The following DGKB variants were observed in gnomAD, a reference collection of about 807,000 sequenced individuals.
DGKB encodes diacylglycerol kinase beta.
In DGKB, 67 loss-of-function variants were observed where a neutral mutation model predicts 114.3. The ratio of observed to expected loss-of-function variants is 0.59; its 90% CI spans 0.48 to 0.72. The LOEUF is 0.72. Ranked by LOEUF, DGKB falls within the 30% of genes least tolerant of loss-of-function variation. The probability of loss-of-function intolerance (pLI) is 0.00; values close to 1 mark genes in which losing one functional copy is unlikely to be tolerated. For synonymous variants in DGKB, 398 were observed against 323.1 expected, an observed-to-expected ratio of 1.23 and a Z score of -2.49; for missense variants, 907 against 975.2, an observed-to-expected ratio of 0.93 and a Z score of 0.93.
chr7:14,648,941 G>C (rs1813789175), intron 13 of DGKB, among the ~76,000 whole-genome samples: 1 of 108,098 alleles, frequency 9.3e-6, no homozygotes, highest in Admixed American at 1.1e-4. Context: ...GGGAAGTTTA[G>C]AGAAAAAAGA....
chr7:14,910,823 G>C (rs1783966075), intron 1 of DGKB, among the ~76,000 whole-genome samples: 1 of 152,110 alleles, frequency 6.6e-6, no homozygotes, highest in Non-Finnish European at 1.5e-5. Context: ...CAATACAACA[G>C]TTAGTTGATT....
chr7:14,584,383 A>G (rs1347317581), intron 17 of DGKB, among the ~76,000 whole-genome samples: 1 of 152,134 alleles, frequency 6.6e-6, no homozygotes, highest in African/African-American at 2.4e-5. Flanking sequence ...AAAATATTCC[A>G]TTACATCATT....
At chr7:14,152,911 C>T (rs565316940) in intron 25 of DGKB, among the ~76,000 whole-genome samples, 19 of 152,174 alleles carry the variant, frequency 1.2e-4, no homozygotes, top group Middle Eastern at 3.4e-3. Flanking sequence ...GTTTTACACA[C>T]GTTATTCAGG....
rs1828893669 is a variant in DGKB, at chr7:14,434,128, T to C, written c.1835+44033A>G. Among the ~76,000 whole-genome samples the C allele has an allele frequency of 2.0e-5, 3 of 146,400 alleles. No individual in the cohort carries two copies. In the South Asian group the frequency reaches 6.3e-4, roughly 31 times the overall value. On this transcript the variant is annotated intron_variant, in intron 21 of 25. Transcript: ENST00000402815. ...GATAGTTATCTTAGAATCAAAGAGA[T>C]TTTTCAGTTACTTTAATGGGATGAA... is the stretch of plus-strand genomic sequence containing the variant.
intron 1 of DGKB, among the ~76,000 whole-genome samples, chr7:14,908,647 A>G (rs576868229): frequency 1.3e-5 from 2 of 152,266 alleles, no homozygotes; most frequent in Non-Finnish European, 2.9e-5. Context: ...GGGCCTGAAT[A>G]GCTTTCTATC....
intron 25 of DGKB, chr7:14,176,431 A>G: frequency 3.0e-6 from 3 of 986,938 alleles, no homozygotes; most frequent in Non-Finnish European, 2.4e-6. Flanking sequence ...ATGGAGGCAT[A>G]GAAAAGCTGA....
At chr7:14,780,987 C>T (rs1258103958) in intron 2 of DGKB, among the ~76,000 whole-genome samples, 4 of 152,134 alleles carry the variant, frequency 2.6e-5, no homozygotes, top group Admixed American at 2.0e-4. Flanking sequence ...ATTTGTGTCA[C>T]TTCTTATTTT....
At chr7:14,224,564 C>A (rs75019655) in intron 23 of DGKB, among the ~76,000 whole-genome samples, 5,161 of 151,972 alleles carry the variant, frequency 0.034, 111 homozygotes, top group Non-Finnish European at 0.056. Flanking sequence ...TCTTCAGGTA[C>A]CATACTTTTG....
chr7:14,414,722 G>C (rs1292775902), intron 21 of DGKB, among the ~76,000 whole-genome samples: 1 of 152,076 alleles, frequency 6.6e-6, no homozygotes, highest in African/African-American at 2.4e-5. Context: ...TAGGTCCTGT[G>C]TAAGTGAGAA....
chr7:14,599,761 T>C (rs1003974854), intron 17 of DGKB, among the ~76,000 whole-genome samples: 5 of 152,358 alleles, frequency 3.3e-5, no homozygotes, highest in Non-Finnish European at 5.9e-5. Context: ...AGCCATTGAA[T>C]AAATGTTTTG....
intron 20 of DGKB, among the ~76,000 whole-genome samples, chr7:14,554,095 ATCTCC>A (rs765682571): frequency 2.6e-5 from 4 of 151,730 alleles, no homozygotes; most frequent in African/African-American, 7.3e-5. Flanking sequence ...GATGATCTCG[ATCTCC>A]TGACCTCGTG....
At chr7:14,154,029 G>T (rs114932675) in intron 25 of DGKB, among the ~76,000 whole-genome samples, 1,661 of 151,950 alleles carry the variant, frequency 0.011, 31 homozygotes, top group African/African-American at 0.038. Flanking sequence ...AGTGAGCTAA[G>T]GAGACGAGTC....
intron 2 of DGKB, among the ~76,000 whole-genome samples, chr7:14,786,032 A>C (rs914916134): frequency 6.6e-6 from 1 of 152,054 alleles, no homozygotes; most frequent in Non-Finnish European, 1.5e-5. Context: ...AAAGTCATCC[A>C]TCTTTCCTTT....
At chr7:14,897,188 G>A (rs73680376) in intron 1 of DGKB, among the ~76,000 whole-genome samples, 5,230 of 151,926 alleles carry the variant, frequency 0.034, 286 homozygotes, top group African/African-American at 0.12. Flanking sequence ...AAAGCCCTAC[G>A]TGTTATACAG....
chr7:14,261,717 T>C (rs1336033047), intron 23 of DGKB, among the ~76,000 whole-genome samples: 1 of 152,184 alleles, frequency 6.6e-6, no homozygotes, highest in East Asian at 1.9e-4. Flanking sequence ...TATATAGATA[T>C]AATTTGTGAC....
chr7:14,587,720 G>A (rs996670976), intron 17 of DGKB, among the ~76,000 whole-genome samples: 1 of 152,056 alleles, frequency 6.6e-6, no homozygotes, highest in African/African-American at 2.4e-5. Flanking sequence ...TTAAAATCAA[G>A]GCTAAACTCT....
chr7:14,621,753 C>T (rs1348351388), intron 14 of DGKB, among the ~76,000 whole-genome samples: 1 of 151,946 alleles, frequency 6.6e-6, no homozygotes, highest in African/African-American at 2.4e-5. Context: ...CCAATTATGA[C>T]TCTTTATCAA....
Position 14,184,997 on chromosome 7 carries a change from T to C in DGKB, c.2123-6846A>G, listed in dbSNP as rs998532441. Among the ~76,000 whole-genome samples, 11 of 152,118 alleles carry C rather than the reference T, an allele frequency of 7.2e-5. No individual in the cohort carries two copies. The East Asian group carries it at 2.1e-3, about 29-fold the overall frequency. ...GGATGCCCACTCTCACCACTACTCT[T>C]CAACATAGTACTGGAAGTCCTAGTT... On this transcript the variant is annotated intron_variant, in intron 23 of 25. Coordinates refer to ENST00000402815, the MANE Select transcript of DGKB (RefSeq NM_001350709.2).
chr7:14,830,000 G>A (rs145788508), intron 2 of DGKB, among the ~76,000 whole-genome samples: 298 of 152,082 alleles, frequency 2.0e-3, no homozygotes, highest in Middle Eastern at 6.8e-3. Flanking sequence ...AGAGATCACT[G>A]GGCAGTATTT....
Sources: allele counts gnomAD v4.1 joint callset (sites outside exome capture counted in the v4.1 genomes callset), GRCh38; gene constraint gnomAD v4.1.1; transcripts MANE v1.5; gene names NCBI Gene and HGNC (gene_info 2026-07-23, HGNC 2026-07-21).